Variants in TAFA1 observed in about 807,000 individuals in gnomAD.
The protein encoded by TAFA1 is chemokine-like protein TAFA-1.
Under a neutral mutation model 18.5 loss-of-function variants are expected in TAFA1, and 4 were observed. The ratio of observed to expected loss-of-function variants is 0.22; its 90% CI spans 0.11 to 0.49. TAFA1 has a LOEUF of 0.49. Among genes scored for constraint, TAFA1 ranks in the 20% least tolerant of loss-of-function variants. TAFA1 has a pLI of 0.98. For missense variants in TAFA1, 147 were observed against 169.0 expected (o/e 0.87, Z 0.72); for synonymous variants, 56 against 55.2 (o/e 1.01, Z -0.06).
chr3:68,230,394 AT>A (rs1454863784), intron 2 of TAFA1, among the ~76,000 whole-genome samples: 2 of 151,944 alleles, frequency 1.3e-5, no homozygotes, highest in Admixed American at 6.6e-5. Context: ...TGCCTGGCTT[AT>A]TTCACTTAAC....
Position 68,275,500 on chromosome 3 carries a change from G to A in TAFA1, c.119-141780G>A, listed in dbSNP as rs188119056. On this transcript the variant is annotated intron_variant, in intron 2 of 4. Transcript: ENST00000478136. ...CATCCAAGGCCTTGTAAGATTAGGG[G>A]ACTTTTTTTTTTTTTTGCATAAGTC... Among the ~76,000 whole-genome samples, 5 of 134,338 alleles carry A rather than the reference G, an allele frequency of 3.7e-5. No individual in the cohort carries two copies. The East Asian group carries it at 7.1e-4, about 19-fold the overall frequency. 88.1% of individuals were successfully genotyped at this position (134,338 alleles called of 152,430 possible).
intron 2 of TAFA1, among the ~76,000 whole-genome samples, chr3:68,150,958 G>A (rs943276980): frequency 6.6e-6 from 1 of 151,824 alleles, no homozygotes; most frequent in African/African-American, 2.4e-5. Context: ...TAATAACATT[G>A]GCTTTATTTT....
At chr3:68,196,210 T>C (rs1466517124) in intron 2 of TAFA1, among the ~76,000 whole-genome samples, 1 of 151,790 alleles carries the variant, frequency 6.6e-6, no homozygotes, top group East Asian at 1.9e-4. Context: ...ACGTAACTTG[T>C]AACTTTCCCC....
chr3:68,507,538 G>T (rs1439665171), intron 3 of TAFA1, among the ~76,000 whole-genome samples: 2 of 152,018 alleles, frequency 1.3e-5, no homozygotes, highest in Non-Finnish European at 2.9e-5. Flanking sequence ...CTATACTTAA[G>T]CTGTGTTTGC....
intron 2 of TAFA1, among the ~76,000 whole-genome samples, chr3:68,397,563 T>G (rs2106735240): frequency 1.3e-5 from 2 of 152,350 alleles, no homozygotes; most frequent in South Asian, 4.1e-4. Flanking sequence ...CAGTCTATCA[T>G]TGATGGACAT....
chr3:68,136,807 C>T (rs1463553193), intron 2 of TAFA1, among the ~76,000 whole-genome samples: 1 of 152,118 alleles, frequency 6.6e-6, no homozygotes, highest in African/African-American at 2.4e-5. Context: ...ATTCTCTCTT[C>T]CATCAGTGTA....
chr3:68,261,514 C>A (rs532953501), intron 2 of TAFA1, among the ~76,000 whole-genome samples: 24 of 152,222 alleles, frequency 1.6e-4, no homozygotes, highest in Non-Finnish European at 3.1e-4. Flanking sequence ...TGGAACCAAC[C>A]CAAATGTCCA....
At chr3:68,256,681 A>G (rs1187661256) in intron 2 of TAFA1, among the ~76,000 whole-genome samples, 1 of 152,170 alleles carries the variant, frequency 6.6e-6, no homozygotes, top group Non-Finnish European at 1.5e-5. Flanking sequence ...CTCTGGAAGA[A>G]GAGGATAGCA....
intron 2 of TAFA1, among the ~76,000 whole-genome samples, chr3:68,111,790 G>GAC (rs67451148): frequency 6.7e-6 from 1 of 149,496 alleles, no homozygotes; most frequent in Non-Finnish European, 1.5e-5. Context: ...AAGAGAGAGA[G>GAC]AGAGAGAGAG....
intron 2 of TAFA1, among the ~76,000 whole-genome samples, chr3:68,084,766 C>G (rs954515124): frequency 6.6e-6 from 1 of 151,500 alleles, no homozygotes; most frequent in Non-Finnish European, 1.5e-5. Flanking sequence ...CCATTGCACT[C>G]CAGCCTGGGA....
At chr3:68,155,925 T>C (rs2065861960) in intron 2 of TAFA1, among the ~76,000 whole-genome samples, 1 of 152,140 alleles carries the variant, frequency 6.6e-6, no homozygotes, top group South Asian at 2.1e-4. Flanking sequence ...CCTGCCAGCA[T>C]AGCACCTGGC....
intron 2 of TAFA1, among the ~76,000 whole-genome samples, chr3:68,400,885 G>C (rs2070474144): frequency 6.6e-6 from 1 of 152,134 alleles, no homozygotes; most frequent in Non-Finnish European, 1.5e-5. Flanking sequence ...CCATTGACGA[G>C]AACTGTGTCA....
intron 2 of TAFA1, among the ~76,000 whole-genome samples, chr3:68,400,325 G>A (rs1011558080): frequency 6.6e-6 from 1 of 152,138 alleles, no homozygotes; most frequent in East Asian, 1.9e-4. Flanking sequence ...GTAAATTAAG[G>A]TTCAAGAAGT....
intron 2 of TAFA1, chr3:68,145,574 A>C (rs1196210724): frequency 6.7e-7 from 1 of 1,485,802 alleles, no homozygotes; most frequent in African/African-American, 1.4e-5. Flanking sequence ...ACTTCCCCCA[A>C]TACCCAATGA....
chr3:68,183,299 C>T (rs981515387), intron 2 of TAFA1, among the ~76,000 whole-genome samples: 4 of 152,040 alleles, frequency 2.6e-5, no homozygotes, highest in Admixed American at 1.3e-4. Flanking sequence ...TATAAGATCT[C>T]GAGCTCCTCA....
intron 3 of TAFA1, among the ~76,000 whole-genome samples, chr3:68,455,656 A>ATT (rs551249502): frequency 1.4e-5 from 2 of 147,138 alleles, no homozygotes; most frequent in African/African-American, 2.5e-5. Flanking sequence ...TCATCCCCCA[A>ATT]TTTTTTTTTT....
chr3:68,420,739 C>T lies in TAFA1; in HGVS notation c.259+3319C>T, dbSNP rs377543360. Among the ~76,000 whole-genome samples, 16 of 152,110 alleles carry T rather than the reference C, an allele frequency of 1.1e-4. No individual in the cohort carries two copies. The East Asian group carries it at 3.1e-3, about 30-fold the overall frequency. On this transcript the variant is annotated intron_variant, in intron 3 of 4. Transcript: ENST00000478136. ...GCAATGCCCAGGACAACCCCTGCGC[C>T]CCCGAATCCCCACAACGAAGAATTC...
intron 4 of TAFA1, among the ~76,000 whole-genome samples, chr3:68,539,995 G>A (rs1161482085): frequency 1.3e-5 from 2 of 151,960 alleles, no homozygotes; most frequent in Non-Finnish European, 2.9e-5. Context: ...TTCTACCAAA[G>A]GTCTGATGTA....
chr3:68,081,197 T>C (rs2064894266), intron 2 of TAFA1, among the ~76,000 whole-genome samples: 1 of 152,204 alleles, frequency 6.6e-6, no homozygotes, highest in African/African-American at 2.4e-5. Flanking sequence ...TATTGGTTAT[T>C]GTAGTTATAC....
Sources: allele counts gnomAD v4.1 joint callset (sites outside exome capture counted in the v4.1 genomes callset), GRCh38; gene constraint gnomAD v4.1.1; transcripts MANE v1.5; gene names NCBI Gene and HGNC (gene_info 2026-07-23, HGNC 2026-07-21).